MACROD2: variants seen among roughly 807,000 people sequenced by gnomAD.
MACROD2 encodes the protein mono-ADP ribosylhydrolase 2.
MACROD2 carries 36 observed loss-of-function variants against 70.4 expected under a neutral mutation model. The observed-to-expected ratio is 0.51, with a 90% CI of 0.39 to 0.68. The LOEUF (loss-of-function observed/expected upper bound fraction) is 0.68, where lower values mean the gene tolerates loss of function less well. Ranked by LOEUF, MACROD2 falls within the 30% of genes least tolerant of loss-of-function variation. The probability of loss-of-function intolerance (pLI) is 0.00; values close to 1 mark genes in which losing one functional copy is unlikely to be tolerated. For missense variants in MACROD2, 496 were observed against 538.4 expected, an observed-to-expected ratio of 0.92 and a Z score of 0.78; for synonymous variants, 172 against 178.8, an observed-to-expected ratio of 0.96 and a Z score of 0.30.
intron 8 of MACROD2, among the ~76,000 whole-genome samples, chr20:15,507,498 TTTCTC>T (rs1410831245): frequency 2.6e-5 from 4 of 151,910 alleles, no homozygotes; most frequent in Non-Finnish European, 5.9e-5. Context: ...TTTCTTTTCT[TTTCTC>T]TTCTCTTTTC....
Position 15,951,306 on chromosome 20 carries a change from G to GACACACACACACAC in MACROD2, c.907+13794_907+13807dup, listed in dbSNP as rs58032991. ...GTTCCTAGGAGGATATATTTATCTA[G>GACACACACACACAC]ACACACACACACACACACACACACA... On this transcript the variant is annotated intron_variant, in intron 12 of 17. Transcript: ENST00000684519. 6.3e-3 allele frequency among the ~76,000 whole-genome samples: 858 copies of GACACACACACACAC among 135,596 alleles called. 7 individuals are homozygous for GACACACACACACAC. The highest frequency in any genetic ancestry group is 9.7e-3 in the South Asian group (38 of 3,898). 89.0% of individuals were successfully genotyped at this position (135,596 alleles called of 152,430 possible). A position where few individuals can be genotyped will look rare whatever the true frequency, so the allele number is the denominator to read the frequency against.
At chr20:16,039,054 C>T (rs1272826797) in intron 15 of MACROD2, among the ~76,000 whole-genome samples, 1 of 151,874 alleles carries the variant, frequency 6.6e-6, no homozygotes, top group Non-Finnish European at 1.5e-5. Context: ...TTGCTCCCTG[C>T]CCCTAGCCTC....
At chr20:14,538,483 A>G (rs2085393117) in intron 4 of MACROD2, among the ~76,000 whole-genome samples, 1 of 152,188 alleles carries the variant, frequency 6.6e-6, no homozygotes, top group Non-Finnish European at 1.5e-5. Context: ...ACCCCTGCCT[A>G]ACACTCTCTA....
intron 8 of MACROD2, among the ~76,000 whole-genome samples, chr20:15,744,737 CT>C (rs1555774177): frequency 2.8e-5 from 4 of 141,116 alleles, no homozygotes; most frequent in South Asian, 2.4e-4. Flanking sequence ...CACACACACA[CT>C]ACACACAAGG....
intron 6 of MACROD2, among the ~76,000 whole-genome samples, chr20:15,279,253 T>G (rs2077421868): frequency 6.6e-6 from 1 of 152,166 alleles, no homozygotes; most frequent in Non-Finnish European, 1.5e-5. Flanking sequence ...TCATGGCATT[T>G]TGAACCCTCA....
At chr20:14,296,123 T>C (rs1771043510) in intron 3 of MACROD2, among the ~76,000 whole-genome samples, 2 of 151,896 alleles carry the variant, frequency 1.3e-5, no homozygotes. Context: ...TAGTTTCAGT[T>C]GCAGAACTAT....
rs528704882 is a variant in MACROD2 at position 15,864,034 on chromosome 20, G to T, written c.727+1208G>T. ...CAGATTCCCATGTGATAAAGAAGAGGACTGTGGTTATAATCTTTTTCTCCT... is the reference window on the plus strand; with the variant it reads ...CAGATTCCCATGTGATAAAGAAGAGTACTGTGGTTATAATCTTTTTCTCCT... On this transcript the variant is annotated intron_variant, in intron 9 of 17. Coordinates refer to ENST00000684519, the MANE Select transcript of MACROD2 (RefSeq NM_001351661.2). Among the ~76,000 whole-genome samples, 9 of 152,184 alleles carry T rather than the reference G, an allele frequency of 5.9e-5. No individual in the cohort carries two copies. In the South Asian group the frequency reaches 1.7e-3, roughly 28 times the overall value.
At chr20:15,464,047 T>A (rs1373037500) in intron 7 of MACROD2, among the ~76,000 whole-genome samples, 5 of 152,188 alleles carry the variant, frequency 3.3e-5, no homozygotes, top group African/African-American at 1.2e-4. Flanking sequence ...TTGTAGTTTT[T>A]GTTTGTTTGT....
chr20:14,843,063 C>A (rs1020328316), intron 5 of MACROD2, among the ~76,000 whole-genome samples: 3 of 151,902 alleles, frequency 2.0e-5, no homozygotes, highest in Admixed American at 2.0e-4. Flanking sequence ...GTCTCTCCAG[C>A]TTCTGGTCTG....
At chr20:15,363,409 A>G (rs150538802) in intron 6 of MACROD2, among the ~76,000 whole-genome samples, 4 of 152,336 alleles carry the variant, frequency 2.6e-5, no homozygotes, top group African/African-American at 9.6e-5. Flanking sequence ...AGACATTTAA[A>G]ACCCATAAGA....
At position 15,458,054 on chromosome 20, in the gene MACROD2, TTTTC is replaced by T. The variant is rs1355326808; in HGVS notation, c.571+26621_571+26624del. Among the ~76,000 whole-genome samples the T allele has an allele frequency of 1.5e-3, 232 of 152,298 alleles. 3 individuals are homozygous for T. Among genetic ancestry groups the T allele is most frequent in the African/African-American group, 5.5e-3 (227 of 41,556 alleles). ...CATCGTAGGTATTTTTTAGTTCTGT[TTTTC>T]TAAACTCAATTTCCAGTTACATTTT... On this transcript the variant is annotated intron_variant, in intron 7 of 17. Transcript: ENST00000684519.
chr20:15,490,498 C>G (rs2047218561), intron 7 of MACROD2, among the ~76,000 whole-genome samples: 1 of 152,028 alleles, frequency 6.6e-6, no homozygotes, highest in Non-Finnish European at 1.5e-5. Flanking sequence ...TTGGCTCAAG[C>G]AATCCTCCTG....
At chr20:14,538,190 G>A (rs2085389614) in intron 4 of MACROD2, among the ~76,000 whole-genome samples, 1 of 152,192 alleles carries the variant, frequency 6.6e-6, no homozygotes, top group African/African-American at 2.4e-5. Flanking sequence ...TCAACCGTGG[G>A]AGGGGGTGGA....
intron 5 of MACROD2, among the ~76,000 whole-genome samples, chr20:14,830,707 G>A (rs576843875): frequency 6.6e-6 from 1 of 152,224 alleles, no homozygotes; most frequent in Admixed American, 6.5e-5. Flanking sequence ...GGAATTACTA[G>A]GCAGATGCAT....
Position 14,724,160 on chromosome 20 carries a change from T to C in MACROD2, c.418+39201T>C, listed in dbSNP as rs376945252. 3.0e-4 allele frequency among the ~76,000 whole-genome samples: 46 copies of C among 152,314 alleles called. 1 individual carries two copies. Among genetic ancestry groups the C allele is most frequent in the African/African-American group, 9.9e-4 (41 of 41,578 alleles). ...AACAGATACTCTGTAAAAATGAATG[T>C]ACTAAGTTCTCAGACTAAGGTGTTT... is the stretch of plus-strand genomic sequence containing the variant. On this transcript the variant is annotated intron_variant, in intron 5 of 17. Coordinates refer to ENST00000684519, the MANE Select transcript of MACROD2 (RefSeq NM_001351661.2).
chr20:14,070,171 A>G (rs962480867), intron 2 of MACROD2, among the ~76,000 whole-genome samples: 16 of 152,210 alleles, frequency 1.1e-4, no homozygotes, highest in African/African-American at 3.4e-4. Context: ...AGCTTTGAAG[A>G]TGTAGCCCAA....
intron 5 of MACROD2, among the ~76,000 whole-genome samples, chr20:15,149,963 G>A (rs2076257343): frequency 6.6e-6 from 1 of 152,042 alleles, no homozygotes; most frequent in African/African-American, 2.4e-5. Context: ...GTGAGTTTAT[G>A]TAATGGTTTT....
At position 14,716,800 on chromosome 20, in the gene MACROD2, A is replaced by C. The variant is rs546420668; in HGVS notation, c.418+31841A>C. On this transcript the variant is annotated intron_variant, in intron 5 of 17. Coordinates refer to ENST00000684519, the MANE Select transcript of MACROD2 (RefSeq NM_001351661.2). ...GAGGCTGTCAGGAGGCATTATAATA[A>C]GCTGATGAACGAGACTAGCTTCCTA... Among the ~76,000 whole-genome samples, 56 of 152,296 alleles carry C rather than the reference A, an allele frequency of 3.7e-4. 1 individual carries two copies. The highest frequency in any genetic ancestry group is 6.5e-4 in the Non-Finnish European group (44 of 68,030).
intron 5 of MACROD2, among the ~76,000 whole-genome samples, chr20:14,829,395 G>T (rs532362859): frequency 3.9e-5 from 6 of 151,968 alleles, no homozygotes; most frequent in African/African-American, 1.2e-4. Context: ...CTCCCAAAGT[G>T]CTGGGAGAAC....
Sources: allele counts gnomAD v4.1 joint callset (sites outside exome capture counted in the v4.1 genomes callset), GRCh38; gene constraint gnomAD v4.1.1; transcripts MANE v1.5; gene names NCBI Gene and HGNC (gene_info 2026-07-23, HGNC 2026-07-21).